VPS13C: variants seen among roughly 807,000 people sequenced by gnomAD.
The protein encoded by VPS13C is intermembrane lipid transfer protein VPS13C.
A neutral mutation model predicts 456.8 loss-of-function variants in VPS13C; 358 were observed. The observed-to-expected ratio is 0.78, with a 90% confidence interval of 0.72 to 0.86. The LOEUF (loss-of-function observed/expected upper bound fraction) is 0.86, where lower values mean the gene tolerates loss of function less well. Ranked by LOEUF, VPS13C falls within the 40% of genes least tolerant of loss-of-function variation. The pLI is 0.00. For synonymous variants in VPS13C, 1,578 were observed against 1,486.7 expected (o/e 1.06, Z -1.41); for missense variants, 4,818 against 4,385.4 (o/e 1.10, Z -2.79).
At chr15:61,889,446 C>T (rs891363223) in intron 67 of VPS13C, among the ~76,000 whole-genome samples, 4 of 151,978 alleles carry the variant, frequency 2.6e-5, no homozygotes, top group Non-Finnish European at 5.9e-5. Context: ...GCTTTTCTTT[C>T]CCCAAACGTG....
At position 61,951,419 on chromosome 15, in the gene VPS13C, T is replaced by A. The variant is rs188319999; in HGVS notation, c.4457-395A>T. On this transcript the variant is annotated intron_variant, in intron 39 of 84. Coordinates refer to ENST00000644861, the MANE Select transcript of VPS13C (RefSeq NM_020821.3). ...ACTAACAGAACTTTAAAAGTTAGCT[T>A]ATTGCAGAAACTTAAAAGGTCAAGG... Among the ~76,000 whole-genome samples the A allele has an allele frequency of 8.6e-4, 131 of 152,214 alleles. 2 individuals carry two copies. Among genetic ancestry groups the A allele is most frequent in the African/African-American group, 3.0e-3 (123 of 41,570 alleles).
chr15:61,875,557 A>G (rs747441407), intron 76 of VPS13C, among the ~76,000 whole-genome samples, 175 bp downstream of exon 76: 5 of 152,042 alleles, frequency 3.3e-5, no homozygotes, highest in Non-Finnish European at 7.4e-5. Context: ...ATTCTAAACA[A>G]TCATCCAATG....
intron 3 of VPS13C, among the ~76,000 whole-genome samples, chr15:62,035,537 AATAAT>A (rs1314027118): frequency 6.6e-6 from 1 of 152,000 alleles, no homozygotes; most frequent in Non-Finnish European, 1.5e-5. Context: ...TCAACAGTAA[AATAAT>A]ATCTGCACAA....
At chr15:61,966,620 A>G (rs371287109) in intron 29 of VPS13C, among the ~76,000 whole-genome samples, 115 of 151,994 alleles carry the variant, frequency 7.6e-4, no homozygotes, top group African/African-American at 2.7e-3. Flanking sequence ...AGTTCTTTCT[A>G]TCCCTTGGGA....
intron 74 of VPS13C, 80 bp downstream of exon 74, chr15:61,878,527 T>G (rs1395533786): frequency 6.5e-7 from 1 of 1,537,754 alleles, no homozygotes; most frequent in Non-Finnish European, 8.7e-7. Flanking sequence ...AAGCTAACAT[T>G]GCACAAGTGG....
intron 18 of VPS13C, among the ~76,000 whole-genome samples, chr15:61,985,382 G>A (rs1329248247): frequency 3.3e-5 from 5 of 151,906 alleles, no homozygotes; most frequent in South Asian, 2.1e-4. Context: ...TCAGCCTCCC[G>A]AGTAGCTGGG....
chr15:61,934,330 T>C lies in VPS13C; in HGVS notation c.5757A>G (p.Glu1919=), dbSNP rs1270698595. The change falls in exon 49 of 85, where the codon GAA becomes GAG. Residue 1919 remains glutamate (E), a splice_region_variant and synonymous_variant. Coordinates refer to ENST00000644861, the MANE Select transcript of VPS13C (RefSeq NM_020821.3). ...GCTTTGAGTCTGTCCAATCTTCTTG[T>C]TCTAATGGTGAAAATTTAAAAGCTT... The part of the protein sequence containing the change: ...DVSSVPDHLK[E]QEDWTDSKLS... 5 of 1,502,552 alleles carry C rather than the reference T, an allele frequency of 3.3e-6. No individual in the cohort carries two copies. The highest frequency in any genetic ancestry group is 4.4e-6 in the Non-Finnish European group (5 of 1,125,452). The allele number at this position is 1,502,552 out of a possible 1,614,324, so 93.1% of individuals were successfully genotyped here.
chr15:61,991,740 G>C lies in VPS13C; in HGVS notation c.1416C>G (p.Gly472=). The change falls in exon 17 of 85, where the codon GGC becomes GGG. Residue 472 remains glycine, a synonymous_variant. Transcript: ENST00000644861. The part of the protein sequence containing the change: ...KSADTGEKRG[G]WFSGLWGKKE... Reference sequence around the variant, plus strand: ...TCTTACCCCACAACCCACTAAACCAGCCTCCACGTTTCTCGCCTGTGTCAG... The same window carrying C: ...TCTTACCCCACAACCCACTAAACCACCCTCCACGTTTCTCGCCTGTGTCAG... 1 of 1,613,132 alleles carries C rather than the reference G, an allele frequency of 6.2e-7. No homozygotes were observed. The highest frequency in any genetic ancestry group is 8.5e-7 in the Non-Finnish European group (1 of 1,179,610).
At chr15:61,936,330 A>C (rs1250470058) in intron 48 of VPS13C, among the ~76,000 whole-genome samples, 2 of 152,122 alleles carry the variant, frequency 1.3e-5, no homozygotes, top group African/African-American at 4.8e-5. Context: ...TCTTCTCTCA[A>C]GATACGCCAC....
chr15:61,936,054 CAA>C (rs937412333), intron 48 of VPS13C, among the ~76,000 whole-genome samples: 2 of 151,928 alleles, frequency 1.3e-5, no homozygotes, highest in African/African-American at 4.8e-5. Context: ...TTTAAGAAAT[CAA>C]AAAGAAACCT....
At chr15:62,001,381 A>G (rs1439925240) in intron 15 of VPS13C, among the ~76,000 whole-genome samples, 1 of 152,244 alleles carries the variant, frequency 6.6e-6, no homozygotes, top group Non-Finnish European at 1.5e-5. Context: ...AAAAATAGGA[A>G]TTCAACTCAT....
intron 35 of VPS13C, among the ~76,000 whole-genome samples, chr15:61,961,171 C>T (rs1386521744): frequency 1.3e-5 from 2 of 151,310 alleles, no homozygotes; most frequent in Non-Finnish European, 2.9e-5. Context: ...GGTGGATCAC[C>T]TGAGGTGAGG....
chr15:61,979,902 G>A (rs2045822426), intron 22 of VPS13C, among the ~76,000 whole-genome samples: 1 of 152,108 alleles, frequency 6.6e-6, no homozygotes, highest in East Asian at 1.9e-4. Flanking sequence ...ATGAAATATG[G>A]GCTGGGTGAG....
chr15:62,044,284 T>C (rs755859088), intron 1 of VPS13C, 29 bp from the exon 2 acceptor site: 1 of 1,360,046 alleles, frequency 7.4e-7, no homozygotes, highest in South Asian at 1.3e-5. Context: ...AAGAAAAATA[T>C]TACTATAACA....
rs374977353 is a variant in VPS13C at position 61,981,512 on chromosome 15, G to C, written c.2030-34C>G. 457 of 1,541,404 alleles carry C rather than the reference G, an allele frequency of 3.0e-4. 6 individuals carry two copies. In the South Asian group the frequency reaches 5.4e-3, roughly 18 times the overall value. Reference sequence around the variant, plus strand: ...GTAAGAAATAATGACAGATTAGATGGTCAAGTTGAAATATGTAATCATATT... The same window carrying C: ...GTAAGAAATAATGACAGATTAGATGCTCAAGTTGAAATATGTAATCATATT... On this transcript the variant is annotated intron_variant, in intron 21 of 84. Transcript: ENST00000644861.
chr15:62,014,492 G>A (rs1308130770), intron 9 of VPS13C, among the ~76,000 whole-genome samples: 1 of 152,114 alleles, frequency 6.6e-6, no homozygotes, highest in Non-Finnish European at 1.5e-5. Flanking sequence ...GTAGTAGAGT[G>A]AGAGTACAGT....
At chr15:62,044,615 A>T (rs2048346290) in intron 1 of VPS13C, among the ~76,000 whole-genome samples, 2 of 152,180 alleles carry the variant, frequency 1.3e-5, no homozygotes, top group Non-Finnish European at 2.9e-5. Context: ...AGAGATGATT[A>T]CAAGGTCAGA....
chr15:61,975,768 T>A (rs1596407799), intron 24 of VPS13C, among the ~76,000 whole-genome samples: 1 of 152,186 alleles, frequency 6.6e-6, no homozygotes, highest in East Asian at 1.9e-4. Flanking sequence ...AACATCATTA[T>A]CCTGATACCA....
chr15:61,916,965 T>TC (rs1285798562), intron 60 of VPS13C, among the ~76,000 whole-genome samples: 26 of 152,158 alleles, frequency 1.7e-4, no homozygotes, highest in Admixed American at 1.3e-4. Context: ...GAAGATACAG[T>TC]AAAGAGGCAG....
Sources: gnomAD v4.1 joint callset for allele counts (sites outside exome capture counted in the v4.1 genomes callset) on GRCh38, gnomAD v4.1.1 for gene constraint, MANE v1.5 for transcripts, NCBI Gene and HGNC (gene_info 2026-07-23, HGNC 2026-07-21) for gene names.